Variants in TRPC3 observed in about 807,000 individuals in gnomAD.
TRPC3 encodes the protein short transient receptor potential channel 3.
In TRPC3, 54 loss-of-function variants were observed where a neutral mutation model predicts 90.9. That is an observed-to-expected ratio of 0.59 (90% CI 0.48 to 0.75). TRPC3 has a LOEUF of 0.75. Ranked by LOEUF, TRPC3 falls within the 30% of genes least tolerant of loss-of-function variation. The pLI is 0.00. For synonymous variants in TRPC3, 424 were observed against 450.9 expected (o/e 0.94, Z 0.75); for missense variants, 918 against 1,194.5 (o/e 0.77, Z 3.41).
intron 3 of TRPC3, among the ~76,000 whole-genome samples, chr4:121,918,044 G>T (rs1343711387): frequency 6.6e-6 from 1 of 152,176 alleles, no homozygotes; most frequent in Admixed American, 6.5e-5. Context: ...GAGTTAACAG[G>T]TGGGGCCTTC....
At chr4:121,938,312 A>G (rs1730198772) in intron 1 of TRPC3, among the ~76,000 whole-genome samples, 2 of 152,068 alleles carry the variant, frequency 1.3e-5, no homozygotes, top group African/African-American at 4.8e-5. Context: ...CACTCCTAAC[A>G]TTTGTATCTC....
intron 3 of TRPC3, among the ~76,000 whole-genome samples, chr4:121,920,152 TA>T (rs1729452886): frequency 6.6e-6 from 1 of 152,226 alleles, no homozygotes. Context: ...TTTCAAAGAA[TA>T]ATATAGGTAT....
chr4:121,880,187 C>T (rs1578590381), intron 11 of TRPC3, among the ~76,000 whole-genome samples: 1 of 152,088 alleles, frequency 6.6e-6, no homozygotes, highest in African/African-American at 2.4e-5. Flanking sequence ...CAAGATATCT[C>T]CTTTCTGACT....
rs1729249262 is a variant in TRPC3, at chr4:121,914,842, G to C, written c.1279C>G (p.Leu427Val). The change falls in exon 4 of 12, where the codon CTG becomes GTG. Residue 427 changes from leucine to valine, a missense_variant. By Grantham distance (32) the Leu-to-Val change is conservative (BLOSUM62 1). This residue lies in a region of TRPC3 where 609 missense variants were observed against 725.9 expected (regional missense o/e 0.84). Transcript: ENST00000379645. ...AATGGAAGGCCCAGGGCCACGACCAGCACAACGAGACACTTGATAGCTATG... is the reference window on the plus strand; with the variant it reads ...AATGGAAGGCCCAGGGCCACGACCACCACAACGAGACACTTGATAGCTATG... Reference protein sequence around the residue: ...QTIAIKCLVVLVVALGLPFLA... With the variant: ...QTIAIKCLVVVVVALGLPFLA... 6.2e-7 allele frequency: 1 copy of C among 1,613,722 alleles called. No homozygotes were observed. The highest frequency in any genetic ancestry group is 1.7e-5 in the Admixed American group (1 of 59,986).
Position 121,911,951 on chromosome 4 carries a change from T to C in TRPC3, c.1484A>G (p.Tyr495Cys), listed in dbSNP as rs745995701. Residue 495 changes from tyrosine (Y) to cysteine (C), a missense_variant, in exon 5 of 12, where the codon TAT becomes TGT. Transcript: ENST00000379645. ...TTLPNITVTDYPKQIFRVKTT... is the reference protein window; with the variant it reads ...TTLPNITVTDCPKQIFRVKTT... ...TTTCACCCTGAAGATCTGTTTGGGA[T>C]AGTCAGTAACTGTGATATTGGGCAG... 1.2e-6 allele frequency: 2 copies of C among 1,613,962 alleles called. No homozygotes were observed. The highest frequency in any genetic ancestry group is 1.1e-5 in the South Asian group (1 of 91,072).
intron 3 of TRPC3, among the ~76,000 whole-genome samples, chr4:121,920,303 C>T (rs1397579687): frequency 2.0e-5 from 3 of 152,016 alleles, no homozygotes; most frequent in Non-Finnish European, 4.4e-5. Flanking sequence ...GGGCGGATCA[C>T]TTGAGGTCAG....
chr4:121,940,814 G>A (rs1008515642), intron 1 of TRPC3, among the ~76,000 whole-genome samples: 2 of 152,104 alleles, frequency 1.3e-5, no homozygotes, highest in Admixed American at 6.6e-5. Flanking sequence ...ATTGTCTCCT[G>A]TGACAATCAT....
intron 6 of TRPC3, among the ~76,000 whole-genome samples, chr4:121,909,496 C>T (rs1332600821): frequency 1.3e-5 from 2 of 152,084 alleles, no homozygotes; most frequent in Non-Finnish European, 2.9e-5. Flanking sequence ...GGGAGGCTAA[C>T]ATTACTTACC....
chr4:121,935,993 G>A (rs1308094133), intron 1 of TRPC3, among the ~76,000 whole-genome samples: 6 of 152,100 alleles, frequency 3.9e-5, no homozygotes, highest in South Asian at 4.1e-4. Flanking sequence ...GAACTGAAAT[G>A]TCTGATTTTA....
rs1032613431 is a variant in TRPC3, at chr4:121,876,154, G to A, written c.*3582C>T. The stretch of plus-strand genomic sequence containing the variant: ...ACTGAAGCCATCGACCTGCTTCAAC[G>A]TCCCAAAGTGCTGCGATTACAGGTG... On this transcript the variant is annotated 3_prime_UTR_variant, in exon 12 of 12. Coordinates refer to ENST00000379645, the MANE Select transcript of TRPC3 (RefSeq NM_001130698.2). Among the ~76,000 whole-genome samples, 5 of 151,764 alleles carry A rather than the reference G, an allele frequency of 3.3e-5. No homozygotes were observed. The highest frequency in any genetic ancestry group is 6.6e-5 in the Admixed American group (1 of 15,252).
chr4:121,949,921 G>GT (rs1730626643), intron 1 of TRPC3, among the ~76,000 whole-genome samples: 1 of 152,138 alleles, frequency 6.6e-6, no homozygotes, highest in Non-Finnish European at 1.5e-5. Context: ...AAGAGTTCCG[G>GT]TGTTTCATGT....
chr4:121,926,405 T>G (rs1209876183), intron 2 of TRPC3, among the ~76,000 whole-genome samples: 1 of 129,842 alleles, frequency 7.7e-6, no homozygotes, highest in Non-Finnish European at 1.6e-5. Flanking sequence ...TCTATTTTTT[T>G]GTTTTCTTTT....
rs1730736609 is a variant in TRPC3, at chr4:121,951,318, C to T, written c.215+148G>A. ...AGCCTCCGGCCGAGGTCTGTCCCCTCCAAATCACTCCAAATCGAACTGCCT... is the reference window on the plus strand; with the variant it reads ...AGCCTCCGGCCGAGGTCTGTCCCCTTCAAATCACTCCAAATCGAACTGCCT... On this transcript the variant is annotated intron_variant, in intron 1 of 11. Transcript: ENST00000379645. The surrounding 1 kb of genome is among the most constrained non-coding windows in gnomAD (Gnocchi z 4.4). The T allele has an allele frequency of 4.2e-6, 2 of 475,896 alleles. No individual in the cohort carries two copies. Among genetic ancestry groups the T allele is most frequent in the African/African-American group, 2.1e-5 (1 of 47,960 alleles). 29.5% of individuals were successfully genotyped at this position (475,896 alleles called of 1,614,324 possible).
chr4:121,935,927 G>C (rs139012827), intron 1 of TRPC3, among the ~76,000 whole-genome samples: 5 of 151,908 alleles, frequency 3.3e-5, no homozygotes, highest in Admixed American at 3.3e-4. Flanking sequence ...AGTATTTTAC[G>C]GTTTTCCTTA....
chr4:121,902,758 G>T, intron 9 of TRPC3, 94 bp downstream of exon 9: 1 of 938,850 alleles, frequency 1.1e-6, no homozygotes, highest in Non-Finnish European at 1.6e-6. Context: ...CATCTTCTAA[G>T]TTCACACATA....
At chr4:121,896,535 A>C (rs1213524006) in intron 10 of TRPC3, among the ~76,000 whole-genome samples, 1 of 152,096 alleles carries the variant, frequency 6.6e-6, no homozygotes, top group Non-Finnish European at 1.5e-5. Flanking sequence ...TACTTGAAAA[A>C]GAAAATAAAA....
At position 121,932,905 on chromosome 4, in the gene TRPC3, T is replaced by C. The variant is rs1730000799; in HGVS notation, c.353A>G (p.Asp118Gly). The C allele has an allele frequency of 6.2e-7, 1 of 1,613,954 alleles. No individual in the cohort carries two copies. The highest frequency in any genetic ancestry group is 1.7e-5 in the Admixed American group (1 of 60,002). ...SLTAEEERFL[D>G]AAEYGNIPVV... is the part of the protein sequence containing the mutation. Reference sequence around the variant, plus strand: ...TGGGATGTTGCCGTACTCGGCGGCGTCGAGGAAGCGCTCCTCCTCGGCGGT... The same window carrying C: ...TGGGATGTTGCCGTACTCGGCGGCGCCGAGGAAGCGCTCCTCCTCGGCGGT... The change falls in exon 2 of 12, where the codon GAC (aspartate) becomes GGC (glycine). Residue 118 changes from aspartate (D) to glycine (G), a missense_variant. Transcript: ENST00000379645. The surrounding 1 kb of genome is among the most constrained non-coding windows in gnomAD (Gnocchi z 7.7).
rs1165540416 is a variant in TRPC3 at position 121,899,654 on chromosome 4, TGATTCAAA to T, written c.2497_2504del (p.Phe833ThrfsTer4). 1 of 1,613,642 alleles carries T rather than the reference TGATTCAAA, an allele frequency of 6.2e-7. No individual in the cohort carries two copies. Among genetic ancestry groups the T allele is most frequent in the South Asian group, 1.1e-5 (1 of 91,060 alleles). ...GATTGAGAATGCTGTTAAAACTGTG[TGATTCAAA>T]AACTCTTGAGTTAGACTGAGTGAAG... On this transcript the variant is annotated frameshift_variant, in exon 10 of 12. Coordinates refer to ENST00000379645, the MANE Select transcript of TRPC3 (RefSeq NM_001130698.2). LOFTEE classifies it high-confidence loss of function.
intron 1 of TRPC3, among the ~76,000 whole-genome samples, chr4:121,934,389 AT>A (rs1385115094): frequency 6.6e-6 from 1 of 152,202 alleles, no homozygotes; most frequent in African/African-American, 2.4e-5. Context: ...TTGCACAAAT[AT>A]TGTATAAATC....
Sources: gnomAD v4.1 joint callset for allele counts (sites outside exome capture counted in the v4.1 genomes callset) on GRCh38, gnomAD v4.1.1 for gene constraint, gnomAD v4.1.1 regional missense constraint, Gnocchi (gnomAD v3.1) non-coding constraint, MANE v1.5 for transcripts, NCBI Gene and HGNC (gene_info 2026-07-23, HGNC 2026-07-21) for gene names.